Variants in H2BC17 observed in about 807,000 individuals in gnomAD.
The protein encoded by H2BC17 is H2B clustered histone 17, also known as histone H2B type 1-O.
H2BC17 carries 11 observed loss-of-function variants against 6.1 expected under a neutral mutation model. The ratio of observed to expected loss-of-function variants is 1.79; its 90% CI spans 1.13 to 2.97. The LOEUF (loss-of-function observed/expected upper bound fraction) is 2.97, where lower values mean the gene tolerates loss of function less well. Among genes scored for constraint, H2BC17 ranks in the 30% most tolerant of loss-of-function variants. The pLI, the probability that H2BC17 is intolerant of heterozygous loss-of-function variation, is 0.00. For synonymous variants in H2BC17, 103 were observed against 74.5 expected (o/e 1.38, Z -1.97); for missense variants, 171 against 171.6 (o/e 1.00, Z 0.02).
In H2BC17 at chr6:27,893,741, G is replaced by A; in HGVS notation, c.279G>A (p.Arg93=). 6.2e-7 allele frequency: 1 copy of A among 1,614,242 alleles called. No individual in the cohort carries two copies. The highest frequency in any genetic ancestry group is 1.6e-4 in the Middle Eastern group (1 of 6,062). Residue 93 remains arginine (R), a synonymous_variant, in exon 1 of 1, where the codon AGG becomes AGA. Coordinates refer to ENST00000616182, the MANE Select transcript of H2BC17 (RefSeq NM_003527.4). ...ACAAGCGCTCGACCATCACCTCCAG[G>A]GAGATCCAGACGGCCGTGCGCCTGC... The part of the protein sequence containing the change: ...HYNKRSTITS[R]EIQTAVRLLL...
chr6:27,893,789 G>A lies in H2BC17; in HGVS notation c.327G>A (p.Lys109=), dbSNP rs1048126058. 1.2e-6 allele frequency: 2 copies of A among 1,614,240 alleles called. No homozygotes were observed. Among genetic ancestry groups the A allele is most frequent in the Admixed American group, 1.7e-5 (1 of 60,028 alleles). Residue 109 remains lysine, a synonymous_variant, in exon 1 of 1, where the codon AAG becomes AAA. Transcript: ENST00000616182. ...TGCTGCTGCCCGGGGAGCTGGCCAA[G>A]CACGCCGTGTCCGAGGGCACAAAGG... The part of the protein sequence containing the change: ...VRLLLPGELA[K]HAVSEGTKAV...
Position 27,893,784 on chromosome 6 carries a change from G to A in H2BC17, c.322G>A (p.Ala108Thr), listed in dbSNP as rs1188302275. The A allele has an allele frequency of 1.6e-5, 26 of 1,614,092 alleles. No individual in the cohort carries two copies. The highest frequency in any genetic ancestry group is 2.2e-5 in the Non-Finnish European group (26 of 1,180,034). The change falls in exon 1 of 1, where the codon GCC becomes ACC. Residue 108 changes from alanine (A) to threonine (T), a missense_variant. By Grantham distance (58) the Ala-to-Thr change is moderately conservative. Transcript: ENST00000616182. The part of the protein sequence containing the change: ...AVRLLLPGEL[A>T]KHAVSEGTKA... ...GCGCCTGCTGCTGCCCGGGGAGCTG[G>A]CCAAGCACGCCGTGTCCGAGGGCAC...
rs1561948866 is a variant in H2BC17 at position 27,893,452 on chromosome 6, TCTC to T, written c.-6_-4del. 2 of 1,584,998 alleles carry T rather than the reference TCTC, an allele frequency of 1.3e-6. No homozygotes were observed. The highest frequency in any genetic ancestry group is 1.7e-6 in the Non-Finnish European group (2 of 1,167,570). ...TCTTGTTATTTGAGTGCTCTTTCAC[TCTC>T]CTCCGCCATGCCCGACCCGGCTAAA... On this transcript the variant is annotated 5_prime_UTR_variant, in exon 1 of 1. Transcript: ENST00000616182.
chr6:27,893,810 A>G lies in H2BC17; in HGVS notation c.348A>G (p.Thr116=). 1.9e-6 allele frequency: 3 copies of G among 1,614,234 alleles called. No individual in the cohort carries two copies. Among genetic ancestry groups the G allele is most frequent in the Non-Finnish European group, 2.5e-6 (3 of 1,180,038 alleles). ...CCAAGCACGCCGTGTCCGAGGGCAC[A>G]AAGGCCGTCACCAAGTACACCAGCT... ...ELAKHAVSEG[T]KAVTKYTSSK is the part of the protein sequence containing the mutation. Residue 116 remains threonine, a synonymous_variant, in exon 1 of 1, where the codon ACA becomes ACG. Transcript: ENST00000616182.
At position 27,893,550 on chromosome 6, in the gene H2BC17, C is replaced by CG. The variant is rs753347432; in HGVS notation, c.89dup (p.Lys31GlnfsTer39). ...GGCCCAGAAAAAGGACGGCAAGAAG[C>CG]GCAAGCGCAGCCGCAAAGAGAGTTA... On this transcript the variant is annotated frameshift_variant, in exon 1 of 1. Coordinates refer to ENST00000616182, the MANE Select transcript of H2BC17 (RefSeq NM_003527.4). LOFTEE classifies it high-confidence loss of function. 81 of 1,614,104 alleles carry CG rather than the reference C, an allele frequency of 5.0e-5. No homozygotes were observed. Among genetic ancestry groups the CG allele is most frequent in the Non-Finnish European group, 6.5e-5 (77 of 1,180,052 alleles).
rs1761946914 is a variant in H2BC17, at chr6:27,893,806, G to T, written c.344G>T (p.Gly115Val). Residue 115 changes from glycine (G) to valine (V), a missense_variant, in exon 1 of 1, where the codon GGC becomes GTC. By Grantham distance (109) the Gly-to-Val change is moderately radical (BLOSUM62 -3). Transcript: ENST00000616182. The part of the protein sequence containing the change: ...GELAKHAVSE[G>V]TKAVTKYTSS... ...CTGGCCAAGCACGCCGTGTCCGAGG[G>T]CACAAAGGCCGTCACCAAGTACACC... 2 of 1,614,210 alleles carry T rather than the reference G, an allele frequency of 1.2e-6. No individual in the cohort carries two copies. The highest frequency in any genetic ancestry group is 1.7e-6 in the Non-Finnish European group (2 of 1,180,034).
chr6:27,893,514 G>T lies in H2BC17; in HGVS notation c.52G>T (p.Ala18Ser). ...TGCCCCCAAAAAGGGCTCCAAGAAA[G>T]CCGTAACCAAGGCCCAGAAAAAGGA... is the stretch of plus-strand genomic sequence containing the variant. ...APAPKKGSKK[A>S]VTKAQKKDGK... Residue 18 changes from alanine (A) to serine (S), a missense_variant, in exon 1 of 1, where the codon GCC becomes TCC. Physicochemically the swap from Ala to Ser is moderately conservative, Grantham distance 99 (BLOSUM62 1). Coordinates refer to ENST00000616182, the MANE Select transcript of H2BC17 (RefSeq NM_003527.4). 1 of 1,613,818 alleles carries T rather than the reference G, an allele frequency of 6.2e-7. No individual in the cohort carries two copies. Among genetic ancestry groups the T allele is most frequent in the Non-Finnish European group, 8.5e-7 (1 of 1,179,878 alleles).
Position 27,893,725 on chromosome 6 carries a change from C to A in H2BC17, c.263C>A (p.Ser88Ter). The A allele has an allele frequency of 7.4e-6, 12 of 1,614,256 alleles. No homozygotes were observed. Among genetic ancestry groups the A allele is most frequent in the Non-Finnish European group, 1.0e-5 (12 of 1,180,046 alleles). ...CGCCTGGCGCATTACAACAAGCGCT[C>A]GACCATCACCTCCAGGGAGATCCAG... is the stretch of plus-strand genomic sequence containing the variant. ...ASRLAHYNKR[S>*]TITSREIQTA... Residue 88 changes from serine to a stop codon, truncating the protein, a stop_gained, in exon 1 of 1, where the codon TCG (serine) becomes TAG (stop). Transcript: ENST00000616182. LOFTEE classifies it high-confidence loss of function.
rs761460740 is a variant in H2BC17 at position 27,893,586 on chromosome 6, G to A, written c.124G>A (p.Val42Met). Reference sequence around the variant, plus strand: ...CCGCAAAGAGAGTTACTCTATCTACGTGTACAAGGTGCTGAAGCAAGTCCA... The same window carrying A: ...CCGCAAAGAGAGTTACTCTATCTACATGTACAAGGTGCTGAAGCAAGTCCA... ...RSRKESYSIY[V>M]YKVLKQVHPD... The change falls in exon 1 of 1, where the codon GTG (valine) becomes ATG (methionine). Residue 42 changes from valine to methionine, a missense_variant. Coordinates refer to ENST00000616182, the MANE Select transcript of H2BC17 (RefSeq NM_003527.4). 6.2e-7 allele frequency: 1 copy of A among 1,614,246 alleles called. No individual in the cohort carries two copies. Among genetic ancestry groups the A allele is most frequent in the Admixed American group, 1.7e-5 (1 of 60,032 alleles).
In H2BC17 at chr6:27,893,470, A is replaced by C; in HGVS notation, c.8A>C (p.Asp3Ala). 1 of 1,603,882 alleles carries C rather than the reference A, an allele frequency of 6.2e-7. No individual in the cohort carries two copies. The highest frequency in any genetic ancestry group is 1.1e-5 in the South Asian group (1 of 89,940). Reference sequence around the variant, plus strand: ...CTTTCACTCTCCTCCGCCATGCCCGACCCGGCTAAATCTGCTCCTGCCCCC... The same window carrying C: ...CTTTCACTCTCCTCCGCCATGCCCGCCCCGGCTAAATCTGCTCCTGCCCCC... MP[D>A]PAKSAPAPKK... The change falls in exon 1 of 1, where the codon GAC (aspartate) becomes GCC (alanine). Residue 3 changes from aspartate (D) to alanine (A), a missense_variant. By Grantham distance (126) the Asp-to-Ala change is moderately radical. Coordinates refer to ENST00000616182, the MANE Select transcript of H2BC17 (RefSeq NM_003527.4).
chr6:27,893,827 A>T lies in H2BC17; in HGVS notation c.365A>T (p.Tyr122Phe). The change falls in exon 1 of 1, where the codon TAC becomes TTC. Residue 122 changes from tyrosine to phenylalanine, a missense_variant. Coordinates refer to ENST00000616182, the MANE Select transcript of H2BC17 (RefSeq NM_003527.4). The part of the protein sequence containing the change: ...VSEGTKAVTK[Y>F]TSSK ...GAGGGCACAAAGGCCGTCACCAAGT[A>T]CACCAGCTCCAAGTGAGCTCTCGCA... 13 of 1,614,234 alleles carry T rather than the reference A, an allele frequency of 8.1e-6. No individual in the cohort carries two copies. Among genetic ancestry groups the T allele is most frequent in the Non-Finnish European group, 1.0e-5 (12 of 1,180,040 alleles).
Position 27,893,868 on chromosome 6 carries a change from A to G in H2BC17, c.*25A>G. 6.2e-7 allele frequency: 1 copy of G among 1,613,952 alleles called. No homozygotes were observed. The highest frequency in any genetic ancestry group is 1.1e-5 in the South Asian group (1 of 91,064). ...AGCTCTCGCAGCTGCCAGCAATCCA[A>G]AGGCTCTTTTCAGAGCCACTCACGC... On this transcript the variant is annotated 3_prime_UTR_variant, in exon 1 of 1. Coordinates refer to ENST00000616182, the MANE Select transcript of H2BC17 (RefSeq NM_003527.4).
At position 27,893,610 on chromosome 6, in the gene H2BC17, C is replaced by T; in HGVS notation, c.148C>T (p.His50Tyr). The change falls in exon 1 of 1, where the codon CAC becomes TAC. Residue 50 changes from histidine to tyrosine, a missense_variant. Physicochemically the swap from His to Tyr is moderately conservative, Grantham distance 83. Transcript: ENST00000616182. ...CGTGTACAAGGTGCTGAAGCAAGTC[C>T]ACCCCGACACCGGCATCTCATCGAA... The part of the protein sequence containing the change: ...IYVYKVLKQV[H>Y]PDTGISSKAM... 1 of 1,614,230 alleles carries T rather than the reference C, an allele frequency of 6.2e-7. No homozygotes were observed. Among genetic ancestry groups the T allele is most frequent in the Non-Finnish European group, 8.5e-7 (1 of 1,180,050 alleles).
In H2BC17 at chr6:27,893,668, ACAT is replaced by A. The variant is rs1761943716; in HGVS notation, c.208_210del (p.Ile70del). 1 of 1,614,148 alleles carries A rather than the reference ACAT, an allele frequency of 6.2e-7. No individual in the cohort carries two copies. Among genetic ancestry groups the A allele is most frequent in the Non-Finnish European group, 8.5e-7 (1 of 1,180,052 alleles). Reference sequence around the variant, plus strand: ...GGCATCATGAACTCCTTCGTCAATGACATCTTTGAGCGCATCGCTGGCGAGGCT... The same window carrying A: ...GGCATCATGAACTCCTTCGTCAATGACTTTGAGCGCATCGCTGGCGAGGCT... On this transcript the variant is annotated inframe_deletion, in exon 1 of 1. Transcript: ENST00000616182.
rs145888457 is a variant in H2BC17, at chr6:27,893,693, G to C, written c.231G>C (p.Glu77Asp). 6.2e-7 allele frequency: 1 copy of C among 1,614,270 alleles called. No homozygotes were observed. The highest frequency in any genetic ancestry group is 1.7e-5 in the Admixed American group (1 of 60,038). Residue 77 changes from glutamate to aspartate, a missense_variant, in exon 1 of 1, where the codon GAG becomes GAC. Transcript: ENST00000616182. ...ACATCTTTGAGCGCATCGCTGGCGA[G>C]GCTTCCCGCCTGGCGCATTACAACA... Reference protein sequence around the residue: ...VNDIFERIAGEASRLAHYNKR... With the variant: ...VNDIFERIAGDASRLAHYNKR...
At position 27,893,545 on chromosome 6, in the gene H2BC17, A is replaced by G; in HGVS notation, c.83A>G (p.Lys28Arg). 6.2e-7 allele frequency: 1 copy of G among 1,614,228 alleles called. No homozygotes were observed. The highest frequency in any genetic ancestry group is 8.5e-7 in the Non-Finnish European group (1 of 1,180,040). ...ACCAAGGCCCAGAAAAAGGACGGCA[A>G]GAAGCGCAAGCGCAGCCGCAAAGAG... The part of the protein sequence containing the change: ...AVTKAQKKDG[K>R]KRKRSRKESY... The change falls in exon 1 of 1, where the codon AAG (lysine) becomes AGG (arginine). Residue 28 changes from lysine to arginine, a missense_variant. Transcript: ENST00000616182.
rs375542787 is a variant in H2BC17, at chr6:27,893,494, C to T, written c.32C>T (p.Pro11Leu). 131 of 1,612,034 alleles carry T rather than the reference C, an allele frequency of 8.1e-5. No individual in the cohort carries two copies. The South Asian group carries it at 1.2e-3, about 14-fold the overall frequency. ...GACCCGGCTAAATCTGCTCCTGCCC[C>T]CAAAAAGGGCTCCAAGAAAGCCGTA... is the stretch of plus-strand genomic sequence containing the variant. MPDPAKSAPA[P>L]KKGSKKAVTK... The change falls in exon 1 of 1, where the codon CCC becomes CTC. Residue 11 changes from proline to leucine, a missense_variant. Pro to Leu is a moderately conservative substitution (Grantham distance 98). Coordinates refer to ENST00000616182, the MANE Select transcript of H2BC17 (RefSeq NM_003527.4).
In H2BC17 at chr6:27,893,450, A is replaced by C; in HGVS notation, c.-13A>C. 6.3e-7 allele frequency: 1 copy of C among 1,582,942 alleles called. No homozygotes were observed. Among genetic ancestry groups the C allele is most frequent in the Middle Eastern group, 1.7e-4 (1 of 5,860 alleles). The stretch of plus-strand genomic sequence containing the variant: ...ATTCTTGTTATTTGAGTGCTCTTTC[A>C]CTCTCCTCCGCCATGCCCGACCCGG... On this transcript the variant is annotated 5_prime_UTR_variant, in exon 1 of 1. Coordinates refer to ENST00000616182, the MANE Select transcript of H2BC17 (RefSeq NM_003527.4).
In H2BC17 at chr6:27,893,598, C is replaced by A. The variant is rs766294382; in HGVS notation, c.136C>A (p.Leu46Met). The change falls in exon 1 of 1, where the codon CTG becomes ATG. Residue 46 changes from leucine to methionine, a missense_variant. Transcript: ENST00000616182. ...ESYSIYVYKV[L>M]KQVHPDTGIS... ...TTACTCTATCTACGTGTACAAGGTGCTGAAGCAAGTCCACCCCGACACCGG... is the reference window on the plus strand; with the variant it reads ...TTACTCTATCTACGTGTACAAGGTGATGAAGCAAGTCCACCCCGACACCGG... The A allele has an allele frequency of 6.2e-7, 1 of 1,614,254 alleles. No homozygotes were observed. The highest frequency in any genetic ancestry group is 8.5e-7 in the Non-Finnish European group (1 of 1,180,050).
Sources: allele counts gnomAD v4.1 joint callset, GRCh38; gene constraint gnomAD v4.1.1; transcripts MANE v1.5; gene names NCBI Gene and HGNC (gene_info 2026-07-23, HGNC 2026-07-21).